The following SCLY variants were observed in gnomAD, a reference collection of about 807,000 sequenced individuals.
SCLY encodes the protein selenocysteine lyase, also known as putative selenocysteine lyase.
SCLY carries 38 observed loss-of-function variants against 50.1 expected under a neutral mutation model. The ratio of observed to expected loss-of-function variants is 0.76; its 90% CI spans 0.59 to 0.99. The LOEUF (loss-of-function observed/expected upper bound fraction) is 0.99, where lower values mean the gene tolerates loss of function less well. Ranked by LOEUF, SCLY falls within the 50% of genes least tolerant of loss-of-function variation. The pLI is 0.00. For synonymous variants in SCLY, 243 were observed against 249.4 expected, an observed-to-expected ratio of 0.97 and a Z score of 0.24; for missense variants, 600 against 620.0, an observed-to-expected ratio of 0.97 and a Z score of 0.34.
In SCLY at chr2:238,067,953, C is replaced by A; in HGVS notation, c.203-112C>A. On this transcript the variant is annotated intron_variant, in intron 2 of 11. Transcript: ENST00000254663. The surrounding 1 kb of genome is among the most constrained non-coding windows in gnomAD (Gnocchi z 4.3). ...CTCACATTAAGGGGCCAGGTTTTGTCTTAGAACGGCCCACGCAGACCTCTT... is the reference window on the plus strand; with the variant it reads ...CTCACATTAAGGGGCCAGGTTTTGTATTAGAACGGCCCACGCAGACCTCTT... 1.4e-6 allele frequency: 1 copy of A among 725,840 alleles called. No individual in the cohort carries two copies. Among genetic ancestry groups the A allele is most frequent in the South Asian group, 2.0e-5 (1 of 50,246 alleles). The allele number at this position is 725,840 out of a possible 1,614,324, so 45.0% of individuals were successfully genotyped here.
chr2:238,081,994 A>G (rs140275207), intron 5 of SCLY, 51 bp from the exon 6 acceptor site: 3 of 1,589,012 alleles, frequency 1.9e-6, no homozygotes, highest in African/African-American at 2.7e-5. Context: ...TCTGTCATTC[A>G]GTTTTCATCA....
chr2:238,093,767 G>T (rs2065394247), intron 8 of SCLY, 94 bp from the exon 9 acceptor site: 3 of 1,178,286 alleles, frequency 2.5e-6, no homozygotes, highest in Non-Finnish European at 3.7e-6. Context: ...AGAATGAGCA[G>T]TTTCAGGAAA....
chr2:238,086,122 C>G (rs1165452546), intron 7 of SCLY, among the ~76,000 whole-genome samples: 2 of 152,170 alleles, frequency 1.3e-5, no homozygotes, highest in Non-Finnish European at 2.9e-5. Flanking sequence ...TTCAAGTGCT[C>G]AGAGAAAACC....
At chr2:238,092,941 A>G (rs1574715321) in intron 8 of SCLY, 1 of 152,684 alleles carries the variant, frequency 6.5e-6, no homozygotes, top group South Asian at 2.1e-4. Flanking sequence ...TAAACTTGAC[A>G]TCTCAGCTAG....
intron 4 of SCLY, chr2:238,073,855 T>C (rs1203267100): frequency 2.3e-6 from 1 of 441,442 alleles, no homozygotes; most frequent in Non-Finnish European, 4.5e-6. Flanking sequence ...ATAGTAAATA[T>C]ATTTTTATTC....
In SCLY at chr2:238,098,816, A is replaced by G. The variant is rs188486054; in HGVS notation, c.*461A>G. ...TATAACTCATTGTCAGCCAAATGCT[A>G]TCATGAACGTAGGAAACTTGATTTT... On this transcript the variant is annotated 3_prime_UTR_variant, in exon 12 of 12. Coordinates refer to ENST00000254663, the MANE Select transcript of SCLY (RefSeq NM_016510.7). 9.9e-5 allele frequency: 33 copies of G among 334,638 alleles called. No individual in the cohort carries two copies. In the Admixed American group the frequency reaches 1.0e-3, roughly 10 times the overall value. 20.7% of individuals were successfully genotyped at this position (334,638 alleles called of 1,614,324 possible). A position where few individuals can be genotyped will look rare whatever the true frequency, so the allele number is the denominator to read the frequency against.
At chr2:238,081,966 C>A in intron 5 of SCLY, 79 bp from the exon 6 acceptor site, 2 of 1,577,474 alleles carry the variant, frequency 1.3e-6, no homozygotes, top group Non-Finnish European at 1.7e-6. Flanking sequence ...ATTTGGCCTG[C>A]GCTCACTACT....
intron 7 of SCLY, among the ~76,000 whole-genome samples, chr2:238,084,227 G>A (rs965538521): frequency 1.3e-5 from 2 of 152,138 alleles, no homozygotes; most frequent in African/African-American, 4.8e-5. Flanking sequence ...AGACCATATC[G>A]GGATCTTGGA....
Position 238,096,812 on chromosome 2 carries a change from C to T in SCLY, c.1120C>T (p.Leu374Phe), listed in dbSNP as rs1234323333. 1.9e-6 allele frequency: 3 copies of T among 1,610,840 alleles called. No individual in the cohort carries two copies. The highest frequency in any genetic ancestry group is 2.5e-6 in the Non-Finnish European group (3 of 1,179,092). ...CTCTGTCTCCGCAGGCCACGTGGTG[C>T]TTGCGCAGTGCCGAGTGCTGATGGC... ...RGPRLQGHVV[L>F]AQCRVLMASV... The change falls in exon 11 of 12, where the codon CTT becomes TTT. Residue 374 changes from leucine (L) to phenylalanine (F), a missense_variant. Leu to Phe is a conservative substitution (Grantham distance 22). Coordinates refer to ENST00000254663, the MANE Select transcript of SCLY (RefSeq NM_016510.7).
chr2:238,068,854 GAA>G (rs1256104451), intron 3 of SCLY, among the ~76,000 whole-genome samples: 2 of 152,150 alleles, frequency 1.3e-5, no homozygotes, highest in African/African-American at 4.8e-5. Flanking sequence ...GTAGCTGTAG[GAA>G]AAAGTCCAAG....
Position 238,091,272 on chromosome 2 carries a change from TGAG to T in SCLY, c.921+22_921+24del. The T allele has an allele frequency of 1.9e-6, 3 of 1,608,962 alleles. No individual in the cohort carries two copies. Among genetic ancestry groups the T allele is most frequent in the African/African-American group, 1.3e-5 (1 of 74,938 alleles). Reference sequence around the variant, plus strand: ...TTGGGAAGGTGAGCCCTGGTGAGCTTGAGGAGATGAGTTGATTGCTTTGTCATC... The same window carrying T: ...TTGGGAAGGTGAGCCCTGGTGAGCTTGAGATGAGTTGATTGCTTTGTCATC... On this transcript the variant is annotated intron_variant, in intron 8 of 11. Transcript: ENST00000254663.
intron 8 of SCLY, chr2:238,093,130 CCTGT>C (rs1211188569): frequency 1.3e-5 from 2 of 152,770 alleles, no homozygotes; most frequent in African/African-American, 2.4e-5. Context: ...GCAGCACCTT[CCTGT>C]CTGTCTGGAT....
chr2:238,083,506 T>G lies in SCLY; in HGVS notation c.884+152T>G, dbSNP rs1576671926. On this transcript the variant is annotated intron_variant, in intron 7 of 11. Coordinates refer to ENST00000254663, the MANE Select transcript of SCLY (RefSeq NM_016510.7). The surrounding 1 kb of genome is among the most constrained non-coding windows in gnomAD (Gnocchi z 4.3). ...CTGTGTCAGAACTGGCTCCACTGAT[T>G]GATTTTACACTGAGGGCTCACAGGA... The G allele has an allele frequency of 4.7e-6, 3 of 643,906 alleles. No individual in the cohort carries two copies. The Admixed American group carries it at 7.6e-5, about 16-fold the overall frequency. The allele number at this position is 643,906 out of a possible 1,614,324, so 39.9% of individuals were successfully genotyped here. A position where few individuals can be genotyped will look rare whatever the true frequency, so the allele number is the denominator to read the frequency against.
intron 9 of SCLY, 82 bp downstream of exon 9, chr2:238,094,026 G>C: frequency 5.8e-6 from 7 of 1,208,444 alleles, no homozygotes; most frequent in Non-Finnish European, 8.4e-6. Context: ...GGTGCTCCCA[G>C]ACCCCAGGAC....
rs2065102903 is a variant in SCLY, at chr2:238,069,079, A to C, written c.304-218A>C. Among the ~76,000 whole-genome samples the C allele has an allele frequency of 6.6e-6, 1 of 152,240 alleles. No individual in the cohort carries two copies. Among genetic ancestry groups the C allele is most frequent in the South Asian group, 2.1e-4 (1 of 4,830 alleles). On this transcript the variant is annotated intron_variant, in intron 3 of 11. Coordinates refer to ENST00000254663, the MANE Select transcript of SCLY (RefSeq NM_016510.7). This position sits in a 1 kb window ranked among gnomAD's most constrained non-coding sequence, Gnocchi z 5.0. ...TTTATATAAATTCTTAAAAATTAAT[A>C]ATATTGCTTAACTATAAAACAGACA...
chr2:238,098,144 G>T, intron 11 of SCLY, 58 bp from the exon 12 acceptor site: 2 of 1,577,662 alleles, frequency 1.3e-6, no homozygotes, highest in Non-Finnish European at 1.7e-6. Flanking sequence ...AGCAGGGGGG[G>T]CTGTGTCTCT....
intron 4 of SCLY, chr2:238,080,271 G>T (rs1426099819): frequency 2.0e-5 from 3 of 152,112 alleles, no homozygotes; most frequent in African/African-American, 7.3e-5. Flanking sequence ...ACACACTGAA[G>T]ATACCAGTTA....
rs1346422029 is a variant in SCLY at position 238,087,072 on chromosome 2, C to T, written c.884+3718C>T. Among the ~76,000 whole-genome samples the T allele has an allele frequency of 4.0e-5, 6 of 151,450 alleles. No individual in the cohort carries two copies. The East Asian group carries it at 1.2e-3, about 29-fold the overall frequency. On this transcript the variant is annotated intron_variant, in intron 7 of 11. Transcript: ENST00000254663. ...GGGCGTGGTGGCTCACATTTCTAAT[C>T]CTAGCACTGTGGGAGGTCAAGGCAG...
rs1311530586 is a variant in SCLY at position 238,068,173 on chromosome 2, T to G, written c.303+8T>G. 6.5e-7 allele frequency: 1 copy of G among 1,539,850 alleles called. No individual in the cohort carries two copies. Among genetic ancestry groups the G allele is most frequent in the Admixed American group, 1.8e-5 (1 of 57,138 alleles). ...ACTTCCGGGGGCACTGAGGTAAAGC[T>G]TCTGAACACACTCACATTCTGTTAA... On this transcript the variant is annotated splice_region_variant and intron_variant, in intron 3 of 11. Coordinates refer to ENST00000254663, the MANE Select transcript of SCLY (RefSeq NM_016510.7).
Sources: gnomAD v4.1 joint callset for allele counts (sites outside exome capture counted in the v4.1 genomes callset) on GRCh38, gnomAD v4.1.1 for gene constraint, Gnocchi (gnomAD v3.1) non-coding constraint, MANE v1.5 for transcripts, NCBI Gene and HGNC (gene_info 2026-07-23, HGNC 2026-07-21) for gene names.